ADCY2: variants seen among roughly 807,000 people sequenced by gnomAD.
ADCY2 encodes the protein adenylate cyclase 2.
Under a neutral mutation model 125.2 loss-of-function variants are expected in ADCY2, and 31 were observed. The observed-to-expected ratio is 0.25, with a 90% CI of 0.19 to 0.33. ADCY2 has a LOEUF of 0.33. Ranked by LOEUF, ADCY2 falls within the 10% of genes least tolerant of loss-of-function variation. ADCY2 has a pLI of 1.00. For synonymous variants in ADCY2, 512 were observed against 548.4 expected, an observed-to-expected ratio of 0.93 and a Z score of 0.93; for missense variants, 904 against 1,418.2, an observed-to-expected ratio of 0.64 and a Z score of 5.82.
chr5:7,765,197 T>C (rs1172899257), intron 16 of ADCY2, among the ~76,000 whole-genome samples: 1 of 152,216 alleles, frequency 6.6e-6, no homozygotes, highest in Non-Finnish European at 1.5e-5. Context: ...AAGTTTTTGT[T>C]AATTATTTTA....
intron 4 of ADCY2, among the ~76,000 whole-genome samples, chr5:7,661,861 GAGAGTGTTT>G (rs1390552778): frequency 6.6e-6 from 1 of 152,152 alleles, no homozygotes; most frequent in African/African-American, 2.4e-5. Flanking sequence ...GTGCAGATAT[GAGAGTGTTT>G]AGAGTGTTTT....
intron 15 of ADCY2, among the ~76,000 whole-genome samples, chr5:7,752,020 A>G (rs1050452174): frequency 6.6e-5 from 10 of 152,230 alleles, no homozygotes; most frequent in African/African-American, 2.2e-4. Context: ...CGATATGGTC[A>G]CTGTCCTCAA....
chr5:7,415,383 A>G (rs1387618660), intron 2 of ADCY2, among the ~76,000 whole-genome samples: 1 of 152,106 alleles, frequency 6.6e-6, no homozygotes, highest in Non-Finnish European at 1.5e-5. Flanking sequence ...TCATACTGTC[A>G]CTTGTTTCGG....
chr5:7,775,225 A>AT (rs1270492559), intron 18 of ADCY2, among the ~76,000 whole-genome samples: 1 of 151,632 alleles, frequency 6.6e-6, no homozygotes, highest in East Asian at 1.9e-4. Context: ...ACACACATAC[A>AT]TATACATATA....
chr5:7,553,682 G>A (rs1735411435), intron 3 of ADCY2, among the ~76,000 whole-genome samples: 1 of 152,134 alleles, frequency 6.6e-6, no homozygotes. Flanking sequence ...AAGCAGGGAG[G>A]GTATGGTGGC....
intron 2 of ADCY2, among the ~76,000 whole-genome samples, chr5:7,451,285 C>G (rs1355432955): frequency 6.6e-6 from 1 of 152,194 alleles, no homozygotes; most frequent in Non-Finnish European, 1.5e-5. Flanking sequence ...GGGAGGAAGT[C>G]AGAATGTCAA....
chr5:7,596,194 A>T (rs1338302441), intron 3 of ADCY2, among the ~76,000 whole-genome samples: 1 of 152,100 alleles, frequency 6.6e-6, no homozygotes, highest in Non-Finnish European at 1.5e-5. Context: ...CATTTCTCAA[A>T]TGGATAACTA....
At chr5:7,695,681 AATT>A (rs1740867423) in intron 5 of ADCY2, 68 bp from the exon 6 acceptor site, 3 of 917,520 alleles carry the variant, frequency 3.3e-6, no homozygotes, top group Admixed American at 3.2e-5. Context: ...TTAATGGAAA[AATT>A]ATTATTACTT....
At chr5:7,584,043 C>T (rs750903258) in intron 3 of ADCY2, among the ~76,000 whole-genome samples, 1 of 151,982 alleles carries the variant, frequency 6.6e-6, no homozygotes, top group East Asian at 1.9e-4. Context: ...GTGGTTGCCT[C>T]TAGGAAAGAA....
At chr5:7,503,335 G>A (rs1743666690) in intron 2 of ADCY2, among the ~76,000 whole-genome samples, 2 of 152,182 alleles carry the variant, frequency 1.3e-5, no homozygotes, top group African/African-American at 4.8e-5. Context: ...GGCCATTCAA[G>A]TGCATCACCA....
chr5:7,591,175 T>A (rs1736840297), intron 3 of ADCY2, among the ~76,000 whole-genome samples: 1 of 152,224 alleles, frequency 6.6e-6, no homozygotes, highest in African/African-American at 2.4e-5. Flanking sequence ...TTACATTTTT[T>A]AAGGGGAAGT....
intron 20 of ADCY2, among the ~76,000 whole-genome samples, chr5:7,792,398 A>T (rs1405649558): frequency 6.6e-6 from 1 of 152,150 alleles, no homozygotes; most frequent in Non-Finnish European, 1.5e-5. Flanking sequence ...CCATCTCTAA[A>T]TAAATAAATA....
intron 3 of ADCY2, among the ~76,000 whole-genome samples, chr5:7,582,198 TAGG>T (rs1297559300): frequency 6.6e-6 from 1 of 152,138 alleles, no homozygotes; most frequent in Non-Finnish European, 1.5e-5. Context: ...CTGCATTCAT[TAGG>T]AGGACATAAC....
In ADCY2 at chr5:7,520,849, A is replaced by T. The variant is rs1288751030; in HGVS notation, c.520A>T (p.Ser174Cys). 5 of 1,613,990 alleles carry T rather than the reference A, an allele frequency of 3.1e-6. No individual in the cohort carries two copies. The Admixed American group carries it at 8.3e-5, about 27-fold the overall frequency. ...CTCCTCCTCCCACACCATCGTGCTT[A>T]GCGTCTGCCTGTCTGCAACACCGGG... ...LTSSSHTIVL[S>C]VCLSATPGGK... The change falls in exon 3 of 25, where the codon AGC becomes TGC. Residue 174 changes from serine (S) to cysteine (C), a missense_variant. Transcript: ENST00000338316.
At chr5:7,591,037 G>C (rs1234930856) in intron 3 of ADCY2, among the ~76,000 whole-genome samples, 3 of 152,084 alleles carry the variant, frequency 2.0e-5, no homozygotes, top group Non-Finnish European at 2.9e-5. Flanking sequence ...AATTATAGTA[G>C]GCAAATTTTG....
chr5:7,688,512 G>A (rs1486897186), intron 4 of ADCY2, among the ~76,000 whole-genome samples: 1 of 151,926 alleles, frequency 6.6e-6, no homozygotes, highest in Non-Finnish European at 1.5e-5. Flanking sequence ...CAGGTGATCT[G>A]CCCGCATCAG....
At chr5:7,419,833 C>T (rs1000913868) in intron 2 of ADCY2, among the ~76,000 whole-genome samples, 2 of 152,212 alleles carry the variant, frequency 1.3e-5, no homozygotes, top group Non-Finnish European at 2.9e-5. Context: ...ACAGCTAGCA[C>T]GTGCATGGTC....
intron 15 of ADCY2, among the ~76,000 whole-genome samples, chr5:7,753,887 C>T (rs1742905882): frequency 6.6e-6 from 1 of 152,200 alleles, no homozygotes; most frequent in Non-Finnish European, 1.5e-5. Context: ...CACTTCAGAA[C>T]AGGTTTACTT....
At chr5:7,557,135 T>TTATATATATATATATATA (rs60652060) in intron 3 of ADCY2, among the ~76,000 whole-genome samples, 37 of 77,538 alleles carry the variant, frequency 4.8e-4, no homozygotes, top group Admixed American at 1.8e-3. Flanking sequence ...CAAAAACAGT[T>TTATATATATATATATATA]TATATATATA....
Sources: gnomAD v4.1 joint callset for allele counts (sites outside exome capture counted in the v4.1 genomes callset) on GRCh38, gnomAD v4.1.1 for gene constraint, MANE v1.5 for transcripts, NCBI Gene and HGNC (gene_info 2026-07-23, HGNC 2026-07-21) for gene names.